The following PCNX2 variants were observed in gnomAD, a reference collection of about 807,000 sequenced individuals.
The protein encoded by PCNX2 is pecanex 2, also known as pecanex-like protein 2.
Under a neutral mutation model 223.8 loss-of-function variants are expected in PCNX2, and 168 were observed. The observed-to-expected ratio is 0.75, with a 90% confidence interval of 0.66 to 0.85. The LOEUF (loss-of-function observed/expected upper bound fraction) is 0.85, where lower values mean the gene tolerates loss of function less well. Among genes scored for constraint, PCNX2 ranks in the 40% least tolerant of loss-of-function variants. The pLI, the probability that PCNX2 is intolerant of heterozygous loss-of-function variation, is 0.00. For synonymous variants in PCNX2, 1,006 were observed against 1,052.6 expected (o/e 0.96, Z 0.86); for missense variants, 2,507 against 2,675.5 (o/e 0.94, Z 1.39).
intron 17 of PCNX2, among the ~76,000 whole-genome samples, chr1:233,168,710 C>A (rs908645268): frequency 6.6e-6 from 1 of 151,716 alleles, no homozygotes; most frequent in Non-Finnish European, 1.5e-5. Flanking sequence ...AATTAATTTC[C>A]TAGAAAAACT....
At chr1:233,133,461 C>T (rs1245408219) in intron 21 of PCNX2, among the ~76,000 whole-genome samples, 1 of 152,080 alleles carries the variant, frequency 6.6e-6, no homozygotes. Context: ...CAATAAAATA[C>T]AGAAATTGGG....
At chr1:233,117,711 CAATT>C (rs1431228038) in intron 21 of PCNX2, among the ~76,000 whole-genome samples, 2 of 151,272 alleles carry the variant, frequency 1.3e-5, no homozygotes, top group African/African-American at 2.4e-5. Context: ...CATTCATAAA[CAATT>C]AAGAAGAATT....
chr1:233,262,200 G>T, intron 2 of PCNX2, 35 bp from the exon 3 acceptor site: 1 of 1,610,624 alleles, frequency 6.2e-7, no homozygotes, highest in Non-Finnish European at 8.5e-7. Context: ...AGCAGTGAGC[G>T]ATATTATCAA....
In PCNX2 at chr1:232,986,172, T is replaced by C. The variant is rs568167486; in HGVS notation, c.6160A>G (p.Asn2054Asp). Residue 2054 changes from asparagine (N) to aspartate (D), a missense_variant, in exon 33 of 34, where the codon AAT becomes GAT. Transcript: ENST00000258229. ...CTGGATGACTGGGTGTCACTGGTAT[T>C]GCCCCCCTCCGCAGCAGAGAGTCCG... The part of the protein sequence containing the change: ...ISGLSAAEGG[N>D]TSDTQSSSSV... 1.5e-5 allele frequency: 23 copies of C among 1,565,538 alleles called. No individual in the cohort carries two copies. In the African/African-American group the frequency reaches 2.8e-4, roughly 19 times the overall value.
intron 21 of PCNX2, among the ~76,000 whole-genome samples, chr1:233,116,747 A>C (rs988688132): frequency 6.6e-6 from 1 of 152,068 alleles, no homozygotes; most frequent in South Asian, 2.1e-4. Flanking sequence ...GAGCCCCCCC[A>C]AAAAGAAGAG....
intron 21 of PCNX2, among the ~76,000 whole-genome samples, chr1:233,133,206 A>C (rs1676607350): frequency 6.6e-6 from 1 of 152,158 alleles, no homozygotes; most frequent in African/African-American, 2.4e-5. Flanking sequence ...GCCACATTTT[A>C]CATCTGATGA....
intron 1 of PCNX2, among the ~76,000 whole-genome samples, chr1:233,288,624 A>T (rs1306411087): frequency 6.6e-6 from 1 of 152,142 alleles, no homozygotes; most frequent in African/African-American, 2.4e-5. Context: ...CCCAGCAACA[A>T]ATGAAGGTAC....
rs80261771 is a variant in PCNX2, at chr1:233,147,591, A to C, written c.3518-7736T>G. On this transcript the variant is annotated intron_variant, in intron 19 of 33. Transcript: ENST00000258229. The stretch of plus-strand genomic sequence containing the variant: ...GGTATAACTTTTACTGAAAAAAAAA[A>C]AAATTTATGTGTAAGTGGACCACAC... 3.3e-5 allele frequency among the ~76,000 whole-genome samples: 5 copies of C among 152,130 alleles called. No individual in the cohort carries two copies. The East Asian group carries it at 5.8e-4, about 18-fold the overall frequency.
At chr1:233,014,498 CA>C (rs1036478261) in intron 28 of PCNX2, among the ~76,000 whole-genome samples, 166 bp downstream of exon 28, 1 of 151,604 alleles carries the variant, frequency 6.6e-6, no homozygotes, top group African/African-American at 2.4e-5. Context: ...GAGCAGTGAT[CA>C]AAAAAAATGT....
At chr1:233,032,592 T>TC (rs1350211874) in intron 25 of PCNX2, among the ~76,000 whole-genome samples, 1 of 145,456 alleles carries the variant, frequency 6.9e-6, no homozygotes, top group Non-Finnish European at 1.5e-5. Context: ...TTTTTTTTTT[T>TC]CCCTTTTCAT....
chr1:233,194,738 T>G (rs1006028955), intron 15 of PCNX2, among the ~76,000 whole-genome samples: 8 of 151,952 alleles, frequency 5.3e-5, no homozygotes, highest in African/African-American at 1.9e-4. Flanking sequence ...AAAGTTAGGC[T>G]GGGGGCGGTG....
chr1:233,034,560 A>C (rs750522754), intron 25 of PCNX2, among the ~76,000 whole-genome samples: 1 of 152,220 alleles, frequency 6.6e-6, no homozygotes, highest in African/African-American at 2.4e-5. Flanking sequence ...TTAAGTATTG[A>C]GTGGCAGTGA....
At chr1:233,110,915 C>A (rs759988793) in intron 21 of PCNX2, among the ~76,000 whole-genome samples, 1 of 151,548 alleles carries the variant, frequency 6.6e-6, no homozygotes, top group Non-Finnish European at 1.5e-5. Flanking sequence ...CAGATACTGA[C>A]GAATTAACTT....
chr1:233,031,991 T>A, intron 25 of PCNX2: 1 of 984,986 alleles, frequency 1.0e-6, no homozygotes. Context: ...GGGGGTGGGG[T>A]CTCAGCCTGC....
chr1:233,118,082 T>C (rs928426407), intron 21 of PCNX2, among the ~76,000 whole-genome samples: 10 of 152,008 alleles, frequency 6.6e-5, no homozygotes, highest in Admixed American at 3.9e-4. Flanking sequence ...GTTGGTTTAA[T>C]TTTCAAAAAT....
rs757548578 is a variant in PCNX2 at position 232,984,273 on chromosome 1, G to A, written c.*31C>T. ...AGCAATGCAGGTGGGAGGTGTGGGG[G>A]AGCCAGCCTCCCCGCCCGGCCGCAC... On this transcript the variant is annotated 3_prime_UTR_variant, in exon 34 of 34. Transcript: ENST00000258229. 3 of 1,548,976 alleles carry A rather than the reference G, an allele frequency of 1.9e-6. No individual in the cohort carries two copies. Among genetic ancestry groups the A allele is most frequent in the Non-Finnish European group, 2.6e-6 (3 of 1,147,384 alleles).
At chr1:232,992,137 C>T (rs2102783478) in intron 32 of PCNX2, among the ~76,000 whole-genome samples, 1 of 152,278 alleles carries the variant, frequency 6.6e-6, no homozygotes, top group African/African-American at 2.4e-5. Context: ...GTTCAATCTC[C>T]CCTGTCTTCT....
intron 22 of PCNX2, among the ~76,000 whole-genome samples, chr1:233,094,039 T>G (rs929563680): frequency 6.6e-6 from 1 of 152,164 alleles, no homozygotes; most frequent in South Asian, 2.1e-4. Flanking sequence ...ATTTGAAAAT[T>G]ATGGTTCCCA....
rs550567423 is a variant in PCNX2, at chr1:232,987,804, C to T, written c.5792-1264G>A. Among the ~76,000 whole-genome samples, 4 of 152,354 alleles carry T rather than the reference C, an allele frequency of 2.6e-5. No individual in the cohort carries two copies. In the East Asian group the frequency reaches 5.8e-4, roughly 22 times the overall value. On this transcript the variant is annotated intron_variant, in intron 32 of 33. Coordinates refer to ENST00000258229, the MANE Select transcript of PCNX2 (RefSeq NM_014801.4). ...GCCTAGGCTGAAGGGGCCTTTCTGCCTCCTGTTGACCACAGTGCCAGTTTG... is the reference window on the plus strand; with the variant it reads ...GCCTAGGCTGAAGGGGCCTTTCTGCTTCCTGTTGACCACAGTGCCAGTTTG...
Sources: gnomAD v4.1 joint callset for allele counts (sites outside exome capture counted in the v4.1 genomes callset) on GRCh38, gnomAD v4.1.1 for gene constraint, MANE v1.5 for transcripts, NCBI Gene and HGNC (gene_info 2026-07-23, HGNC 2026-07-21) for gene names.